DOCK8: variants seen among roughly 807,000 people sequenced by gnomAD.
DOCK8 encodes dedicator of cytokinesis 8.
Under a neutral mutation model 245.6 loss-of-function variants are expected in DOCK8, and 141 were observed. That is an observed-to-expected ratio of 0.57 (90% CI 0.50 to 0.66). DOCK8 has a LOEUF of 0.66. Ranked by LOEUF, DOCK8 falls within the 30% of genes least tolerant of loss-of-function variation. The pLI, the probability that DOCK8 is intolerant of heterozygous loss-of-function variation, is 0.00. For missense variants in DOCK8, 2,965 were observed against 2,603.4 expected, an observed-to-expected ratio of 1.14 and a Z score of -3.02; for synonymous variants, 1,168 against 970.2, an observed-to-expected ratio of 1.20 and a Z score of -3.79.
chr9:438,792 G>C (rs2026074), intron 39 of DOCK8, among the ~76,000 whole-genome samples: 2 of 152,054 alleles, frequency 1.3e-5, no homozygotes, highest in Non-Finnish European at 2.9e-5. Flanking sequence ...TGCTGTTGTC[G>C]TATGTCATGG....
chr9:386,148 T>A (rs2053940510), intron 22 of DOCK8, among the ~76,000 whole-genome samples, 183 bp from the exon 23 acceptor site: 2 of 152,220 alleles, frequency 1.3e-5, no homozygotes, highest in Admixed American at 1.3e-4. Context: ...CAAGAGCAAG[T>A]AAAATTAGGT....
intron 24 of DOCK8, among the ~76,000 whole-genome samples, chr9:395,079 A>G (rs1029620481): frequency 2.0e-5 from 3 of 152,198 alleles, no homozygotes; most frequent in African/African-American, 7.2e-5. Context: ...TGTTAGGAGC[A>G]TAGTGAGAGA....
At chr9:390,867 G>C (rs1195219831) in intron 24 of DOCK8, among the ~76,000 whole-genome samples, 1 of 151,970 alleles carries the variant, frequency 6.6e-6, no homozygotes, top group Non-Finnish European at 1.5e-5. Flanking sequence ...ATCCATTTTT[G>C]CTCTTGGCCC....
At chr9:322,588 A>T (rs1384655485) in intron 7 of DOCK8, among the ~76,000 whole-genome samples, 1 of 152,208 alleles carries the variant, frequency 6.6e-6, no homozygotes, top group Admixed American at 6.5e-5. Context: ...GTGTAAAGAG[A>T]CTGATGTGTG....
rs770914651 is a variant in DOCK8, at chr9:429,732, G to C, written c.4504G>C (p.Glu1502Gln). Residue 1502 changes from glutamate (E) to glutamine (Q), a missense_variant, in exon 36 of 48, where the codon GAA (glutamate) becomes CAA (glutamine). Physicochemically the swap from Glu to Gln is conservative, Grantham distance 29. Coordinates refer to ENST00000432829, the MANE Select transcript of DOCK8 (RefSeq NM_203447.4). ...AGACTTACTCTTTGAAGAGGAGGTG[G>C]AACAGTGTTTCGACCTATGTCACCA... is the stretch of plus-strand genomic sequence containing the variant. ...FGDLLFEEEVEQCFDLCHQVL... is the reference protein window; with the variant it reads ...FGDLLFEEEVQQCFDLCHQVL... The C allele has an allele frequency of 3.1e-6, 5 of 1,614,026 alleles. No individual in the cohort carries two copies. The highest frequency in any genetic ancestry group is 4.2e-6 in the Non-Finnish European group (5 of 1,180,040).
chr9:303,328 A>G (rs1005109276), intron 4 of DOCK8, among the ~76,000 whole-genome samples: 1 of 152,216 alleles, frequency 6.6e-6, no homozygotes, highest in Non-Finnish European at 1.5e-5. Context: ...AAAACGACAC[A>G]TGCACTCGTA....
chr9:232,072 C>G (rs2047130393), intron 1 of DOCK8, among the ~76,000 whole-genome samples: 1 of 152,284 alleles, frequency 6.6e-6, no homozygotes, highest in African/African-American at 2.4e-5. Flanking sequence ...TATGTCCCAT[C>G]AATACCTAAT....
intron 24 of DOCK8, among the ~76,000 whole-genome samples, chr9:393,982 A>G (rs943225636): frequency 1.3e-5 from 2 of 152,310 alleles, no homozygotes; most frequent in Middle Eastern, 3.4e-3. Context: ...ATAGCAGAGT[A>G]ACTGGGGCCT....
Position 306,205 on chromosome 9 carries a change from C to T in DOCK8, c.528+1501C>T, listed in dbSNP as rs554263501. Among the ~76,000 whole-genome samples the T allele has an allele frequency of 1.6e-4, 25 of 152,252 alleles. No individual in the cohort carries two copies. In the East Asian group the frequency reaches 4.0e-3, roughly 25 times the overall value. Reference sequence around the variant, plus strand: ...GAATCTCACCATGCTGGAAATGATTCGAGGTTTTTAAATAATACTAATTTT... The same window carrying T: ...GAATCTCACCATGCTGGAAATGATTTGAGGTTTTTAAATAATACTAATTTT... On this transcript the variant is annotated intron_variant, in intron 5 of 47. Transcript: ENST00000432829.
chr9:231,529 A>G (rs1028008603), intron 1 of DOCK8, among the ~76,000 whole-genome samples: 4 of 152,148 alleles, frequency 2.6e-5, no homozygotes, highest in Non-Finnish European at 5.9e-5. Context: ...CTTCCTACCC[A>G]TGAGCATGGA....
chr9:434,573 G>A (rs746867085), intron 38 of DOCK8, among the ~76,000 whole-genome samples: 9 of 152,022 alleles, frequency 5.9e-5, no homozygotes, highest in Non-Finnish European at 1.2e-4. Context: ...ACTATTTCTT[G>A]GAGGTCAGCA....
intron 1 of DOCK8, among the ~76,000 whole-genome samples, chr9:254,266 G>A (rs899694376): frequency 7.9e-4 from 121 of 152,234 alleles, no homozygotes; most frequent in African/African-American, 2.7e-3. Context: ...TAAGATTTCT[G>A]AAAAAGACCA....
rs755852417 is a variant in DOCK8 at position 317,051 on chromosome 9, T to C, written c.750T>C (p.Ala250=). The C allele has an allele frequency of 1.2e-6, 2 of 1,613,150 alleles. No individual in the cohort carries two copies. Among genetic ancestry groups the C allele is most frequent in the South Asian group, 2.2e-5 (2 of 91,060 alleles). Residue 250 remains alanine, a synonymous_variant, in exon 7 of 48, where the codon GCT becomes GCC. Transcript: ENST00000432829. The part of the protein sequence containing the change: ...ALYPSVDEED[A]VEIRPVPECP... Reference sequence around the variant, plus strand: ...GATGTGATTAAAAATAGGAGGATGCTGTGGAAATACGTCCAGTACCAGAAT... The same window carrying C: ...GATGTGATTAAAAATAGGAGGATGCCGTGGAAATACGTCCAGTACCAGAAT...
At chr9:278,076 G>C (rs896796113) in intron 2 of DOCK8, among the ~76,000 whole-genome samples, 7 of 152,236 alleles carry the variant, frequency 4.6e-5, no homozygotes, top group African/African-American at 7.2e-5. Context: ...GGAAAATGAA[G>C]ATCTCAAGAT....
At chr9:308,015 A>C (rs1374677969) in intron 5 of DOCK8, among the ~76,000 whole-genome samples, 1 of 152,210 alleles carries the variant, frequency 6.6e-6, no homozygotes, top group Non-Finnish European at 1.5e-5. Flanking sequence ...TTGATCTCAT[A>C]GAAGTAGAGG....
At chr9:408,177 A>T (rs1010347380) in intron 28 of DOCK8, among the ~76,000 whole-genome samples, 5 of 152,226 alleles carry the variant, frequency 3.3e-5, no homozygotes, top group African/African-American at 1.2e-4. Flanking sequence ...GAATTTCTCA[A>T]GTTCTCTCAA....
chr9:296,604 T>C (rs898556408), intron 4 of DOCK8, among the ~76,000 whole-genome samples: 1 of 152,180 alleles, frequency 6.6e-6, no homozygotes, highest in Non-Finnish European at 1.5e-5. Flanking sequence ...GGTAAACAAT[T>C]AAAATTCAAA....
chr9:258,071 TTCTC>T lies in DOCK8; in HGVS notation c.54-13551_54-13548del, dbSNP rs567602796. Among the ~76,000 whole-genome samples the T allele has an allele frequency of 4.6e-5, 7 of 151,708 alleles. No individual in the cohort carries two copies. The East Asian group carries it at 1.4e-3, about 30-fold the overall frequency. ...CAGTGTTCAAGGGCAAACAAAAACT[TTCTC>T]TCTCAGCCACCTCCATAAGTTCCAT... On this transcript the variant is annotated intron_variant, in intron 1 of 47. Coordinates refer to ENST00000432829, the MANE Select transcript of DOCK8 (RefSeq NM_203447.4).
At chr9:400,210 TCCACTATCACCACCA>T (rs2054784422) in intron 26 of DOCK8, among the ~76,000 whole-genome samples, 1 of 72,270 alleles carries the variant, frequency 1.4e-5, no homozygotes, top group Non-Finnish European at 3.0e-5. Context: ...CACCACCACC[TCCACTATCACCACCA>T]CCTCCACCAT....
Sources: gnomAD v4.1 joint callset for allele counts (sites outside exome capture counted in the v4.1 genomes callset) on GRCh38, gnomAD v4.1.1 for gene constraint, MANE v1.5 for transcripts, NCBI Gene and HGNC (gene_info 2026-07-23, HGNC 2026-07-21) for gene names.